MGME1: variants seen among roughly 807,000 people sequenced by gnomAD.
The protein encoded by MGME1 is mitochondrial genome maintenance exonuclease 1.
A neutral mutation model predicts 33.0 loss-of-function variants in MGME1; 22 were observed. That is an observed-to-expected ratio of 0.67 (90% CI 0.48 to 0.95). The LOEUF (loss-of-function observed/expected upper bound fraction) is 0.95. Ranked by LOEUF, MGME1 falls within the 40% of genes least tolerant of loss-of-function variation. The probability of loss-of-function intolerance (pLI) is 0.00; values close to 1 mark genes in which losing one functional copy is unlikely to be tolerated. For missense variants in MGME1, 383 were observed against 397.8 expected, an observed-to-expected ratio of 0.96 and a Z score of 0.32; for synonymous variants, 133 against 144.0, an observed-to-expected ratio of 0.92 and a Z score of 0.55.
intron 2 of MGME1, 56 bp from the exon 3 acceptor site, chr20:17,975,628 C>T (rs2122525677): frequency 1.6e-6 from 2 of 1,247,500 alleles, no homozygotes; most frequent in Non-Finnish European, 2.3e-6. Flanking sequence ...ATTTGTTTTT[C>T]AGTGTTAGCT....
chr20:17,978,168 G>A (rs1380356433), intron 3 of MGME1, among the ~76,000 whole-genome samples: 1 of 152,102 alleles, frequency 6.6e-6, no homozygotes, highest in Non-Finnish European at 1.5e-5. Context: ...ACCCTTGATA[G>A]TCTGAAAACT....
At chr20:17,975,570 A>G (rs2035842749) in intron 2 of MGME1, 114 bp from the exon 3 acceptor site, 6 of 805,848 alleles carry the variant, frequency 7.4e-6, no homozygotes, top group Non-Finnish European at 1.2e-5. Flanking sequence ...AAAAAAAAAG[A>G]AAAAAAAATG....
chr20:17,976,890 A>T (rs1240141901), intron 3 of MGME1, among the ~76,000 whole-genome samples: 1 of 151,524 alleles, frequency 6.6e-6, no homozygotes, highest in East Asian at 2.0e-4. Flanking sequence ...CGAACTTCGG[A>T]CCTCAGGTGA....
At chr20:17,982,076 G>A (rs1039199072) in intron 3 of MGME1, among the ~76,000 whole-genome samples, 1 of 152,152 alleles carries the variant, frequency 6.6e-6, no homozygotes, top group African/African-American at 2.4e-5. Flanking sequence ...CAGCAAATGT[G>A]CCTCTTTGTA....
At chr20:17,976,533 G>A (rs1306841530) in intron 3 of MGME1, among the ~76,000 whole-genome samples, 1 of 152,136 alleles carries the variant, frequency 6.6e-6, no homozygotes, top group Non-Finnish European at 1.5e-5. Flanking sequence ...TTTCTTTCCT[G>A]TTTTTCTAAA....
At position 17,970,445 on chromosome 20, in the gene MGME1, G is replaced by T. The variant is rs1019270212; in HGVS notation, c.511+75G>T. 10 of 1,481,838 alleles carry T rather than the reference G, an allele frequency of 6.7e-6. No homozygotes were observed. In the African/African-American group the frequency reaches 1.4e-4, roughly 21 times the overall value. 91.8% of individuals were successfully genotyped at this position (1,481,838 alleles called of 1,614,324 possible). A position where few individuals can be genotyped will look rare whatever the true frequency, so the allele number is the denominator to read the frequency against. On this transcript the variant is annotated intron_variant, in intron 2 of 4. Transcript: ENST00000377710. ...GAGAGCAACGGTGTCAAAAGAATGA[G>T]GTTTGGTTTTGTTTTTTTAACTTAC... is the stretch of plus-strand genomic sequence containing the variant.
Position 17,970,144 on chromosome 20 carries a change from A to G in MGME1, c.285A>G (p.Arg95=). ...HKLPNQGEDR[R]VPQNWFPIFN... ...TGCCAAACCAAGGTGAGGACAGACG[A>G]GTGCCACAAAACTGGTTTCCTATCT... Residue 95 remains arginine, a synonymous_variant, in exon 2 of 5, where the codon CGA becomes CGG. Transcript: ENST00000377710. 6.2e-7 allele frequency: 1 copy of G among 1,614,244 alleles called. No individual in the cohort carries two copies. The highest frequency in any genetic ancestry group is 8.5e-7 in the Non-Finnish European group (1 of 1,180,040).
intron 4 of MGME1, among the ~76,000 whole-genome samples, chr20:17,988,669 A>G (rs1156657358): frequency 1.3e-5 from 2 of 150,024 alleles, no homozygotes; most frequent in Non-Finnish European, 3.0e-5. Flanking sequence ...AAAAAAAAAA[A>G]CTTCTCAGTG....
At chr20:17,978,764 T>G (rs555094817) in intron 3 of MGME1, among the ~76,000 whole-genome samples, 29 of 150,988 alleles carry the variant, frequency 1.9e-4, no homozygotes, top group South Asian at 1.1e-3. Flanking sequence ...GAAACTACGG[T>G]TTTTTTTTGT....
intron 3 of MGME1, among the ~76,000 whole-genome samples, chr20:17,987,755 A>G (rs2036189601): frequency 6.6e-6 from 1 of 152,230 alleles, no homozygotes; most frequent in Admixed American, 6.5e-5. Flanking sequence ...AAGTCATGAA[A>G]GACAGATTGA....
rs771609402 is a variant in MGME1 at position 17,969,866 on chromosome 20, A to C, written c.7A>C (p.Met3Leu). 1.2e-6 allele frequency: 2 copies of C among 1,604,664 alleles called. No individual in the cohort carries two copies. The highest frequency in any genetic ancestry group is 1.7e-6 in the Non-Finnish European group (2 of 1,176,880). MK[M>L]KLFQTICRQL... Reference sequence around the variant, plus strand: ...AAAGTGAAAACAAATCTGAATGAAGATGAAGTTATTTCAGACCATTTGCAG... The same window carrying C: ...AAAGTGAAAACAAATCTGAATGAAGCTGAAGTTATTTCAGACCATTTGCAG... The change falls in exon 2 of 5, where the codon ATG becomes CTG. Residue 3 changes from methionine (M) to leucine (L), a missense_variant. Physicochemically the swap from Met to Leu is conservative, Grantham distance 15. Coordinates refer to ENST00000377710, the MANE Select transcript of MGME1 (RefSeq NM_052865.4).
intron 2 of MGME1, chr20:17,972,721 G>C: frequency 1.0e-6 from 1 of 985,350 alleles, no homozygotes. Flanking sequence ...TCATGTTTGT[G>C]ATCATGTGTA....
chr20:17,972,796 G>A, intron 2 of MGME1: 1 of 985,104 alleles, frequency 1.0e-6, no homozygotes, highest in African/African-American at 1.7e-5. Context: ...CATGGCATTT[G>A]CTAAGTTTTT....
At chr20:17,980,477 A>G (rs1051573665) in intron 3 of MGME1, among the ~76,000 whole-genome samples, 1 of 151,980 alleles carries the variant, frequency 6.6e-6, no homozygotes, top group African/African-American at 2.4e-5. Flanking sequence ...TTAACACAAG[A>G]TGATATACCC....
At chr20:17,989,388 CAAATAAAT>C (rs58644150) in intron 4 of MGME1, among the ~76,000 whole-genome samples, 58 of 142,474 alleles carry the variant, frequency 4.1e-4, no homozygotes, top group African/African-American at 1.2e-3. Context: ...TGTCTCTCTC[CAAATAAAT>C]AAATAAATAA....
chr20:17,968,760 C>A (rs2035624554), upstream of MGME1: 2 of 358,352 alleles, frequency 5.6e-6, no homozygotes, highest in East Asian at 1.1e-4. Context: ...CGGGAAGCAA[C>A]GGACACTCTC....
chr20:17,974,952 A>G (rs1176131308), intron 2 of MGME1, among the ~76,000 whole-genome samples: 1 of 152,144 alleles, frequency 6.6e-6, no homozygotes, highest in Admixed American at 6.6e-5. Context: ...ACCTATGTTC[A>G]TAATTAAGTT....
In MGME1 at chr20:17,970,379, C is replaced by A; in HGVS notation, c.511+9C>A. On this transcript the variant is annotated intron_variant, in intron 2 of 4. Coordinates refer to ENST00000377710, the MANE Select transcript of MGME1 (RefSeq NM_052865.4). ...TAAAGAATACACTTCAAGTAATTATCTCAATTCTGATTCTATATGTTTGCT... is the reference window on the plus strand; with the variant it reads ...TAAAGAATACACTTCAAGTAATTATATCAATTCTGATTCTATATGTTTGCT... 1 of 1,596,720 alleles carries A rather than the reference C, an allele frequency of 6.3e-7. No homozygotes were observed. The highest frequency in any genetic ancestry group is 8.5e-7 in the Non-Finnish European group (1 of 1,172,922).
chr20:17,987,010 T>A (rs1389492541), intron 3 of MGME1, among the ~76,000 whole-genome samples: 2 of 151,654 alleles, frequency 1.3e-5, no homozygotes, highest in African/African-American at 4.8e-5. Flanking sequence ...CGAAACCCCA[T>A]CTCTACTAAA....
Sources: allele counts gnomAD v4.1 joint callset (sites outside exome capture counted in the v4.1 genomes callset), GRCh38; gene constraint gnomAD v4.1.1; transcripts MANE v1.5; gene names NCBI Gene and HGNC (gene_info 2026-07-23, HGNC 2026-07-21).